Variants in EP300 observed in about 807,000 individuals in gnomAD.
EP300 encodes EP300 lysine acetyltransferase, also known as histone acetyltransferase p300.
A neutral mutation model predicts 264.0 loss-of-function variants in EP300; 31 were observed. The observed-to-expected ratio is 0.12, with a 90% CI of 0.09 to 0.16. EP300 has a LOEUF of 0.16. Ranked by LOEUF, EP300 falls within the 10% of genes least tolerant of loss-of-function variation. The pLI is 1.00. For missense variants in EP300, 2,766 were observed against 3,052.9 expected, an observed-to-expected ratio of 0.91 and a Z score of 2.21; for synonymous variants, 1,340 against 1,045.4, an observed-to-expected ratio of 1.28 and a Z score of -5.44.
rs20553 is a variant in EP300 at position 41,127,522 on chromosome 22, C to T, written c.942C>T (p.Gly314=). ...QQPAPQVQQP[G]LVTPVAQGMG... ...CAGCCCCGCAGGTCCAGCAGCCAGG[C>T]CTGGTGACTCCAGTTGCCCAAGGGA... The change falls in exon 4 of 31, where the codon GGC becomes GGT. Residue 314 remains glycine, a synonymous_variant. Transcript: ENST00000263253. 3.2e-3 allele frequency: 5,195 copies of T among 1,614,188 alleles called. 151 individuals are homozygous for T. In the African/African-American group the frequency reaches 0.063, roughly 19 times the overall value.
At chr22:41,111,388 C>G (rs1337976149) in intron 1 of EP300, among the ~76,000 whole-genome samples, 2 of 152,150 alleles carry the variant, frequency 1.3e-5, no homozygotes, top group Non-Finnish European at 2.9e-5. Context: ...CTCACAATTT[C>G]CAGTTGTATG....
chr22:41,131,953 A>G (rs1336536394), intron 6 of EP300, among the ~76,000 whole-genome samples: 3 of 152,026 alleles, frequency 2.0e-5, no homozygotes, highest in Non-Finnish European at 2.9e-5. Context: ...ATCCCAGCAC[A>G]TTGGGAGGCC....
At chr22:41,170,365 T>C (rs2145766221) in intron 26 of EP300, 41 bp from the exon 27 acceptor site, 1 of 1,583,950 alleles carries the variant, frequency 6.3e-7, no homozygotes, top group Non-Finnish European at 8.7e-7. Flanking sequence ...CTAGAATAGA[T>C]TATCTCTTTT....
intron 5 of EP300, 111 bp downstream of exon 5, chr22:41,130,114 A>G (rs1251517430): frequency 6.2e-6 from 5 of 809,478 alleles, no homozygotes; most frequent in Non-Finnish European, 1.0e-5. Flanking sequence ...TACTATGTTG[A>G]ATAAATGTTT....
chr22:41,139,777 TATTTC>T (rs1209306867), intron 8 of EP300, among the ~76,000 whole-genome samples: 1 of 152,238 alleles, frequency 6.6e-6, no homozygotes. Flanking sequence ...TACTGAATTT[TATTTC>T]AGTAAGCTAA....
At chr22:41,168,213 G>A in intron 23 of EP300, 4 of 542,646 alleles carry the variant, frequency 7.4e-6, no homozygotes, top group Non-Finnish European at 6.6e-6. Context: ...ATTGAGTACT[G>A]TGTCTGCTTT....
At chr22:41,094,693 AT>A (rs2058692543) in intron 1 of EP300, among the ~76,000 whole-genome samples, 4 of 152,054 alleles carry the variant, frequency 2.6e-5, no homozygotes, top group Admixed American at 2.6e-4. Flanking sequence ...TCACCTGTAG[AT>A]TTTTGTGGTG....
At chr22:41,102,032 T>TTC (rs999274681) in intron 1 of EP300, among the ~76,000 whole-genome samples, 2 of 149,728 alleles carry the variant, frequency 1.3e-5, no homozygotes, top group South Asian at 2.1e-4. Flanking sequence ...TTCTTTTCTT[T>TTC]TTTTTTTTTT....
chr22:41,173,622 G>C lies in EP300; in HGVS notation c.4618-1G>C. 6.2e-7 allele frequency: 1 copy of C among 1,614,098 alleles called. No homozygotes were observed. Among genetic ancestry groups the C allele is most frequent in the Non-Finnish European group, 8.5e-7 (1 of 1,180,008 alleles). Reference sequence around the variant, plus strand: ...CTTGTCTCCTTTGTGCTACTCTGCAGGTGACCAAGGGAGACAGCAAAAATG... The same window carrying C: ...CTTGTCTCCTTTGTGCTACTCTGCACGTGACCAAGGGAGACAGCAAAAATG... On this transcript the variant is annotated splice_acceptor_variant, in intron 28 of 30. Transcript: ENST00000263253. LOFTEE classifies it high-confidence loss of function.
At chr22:41,134,807 A>G (rs1200525047) in intron 6 of EP300, among the ~76,000 whole-genome samples, 3 of 152,238 alleles carry the variant, frequency 2.0e-5, no homozygotes, top group Non-Finnish European at 1.5e-5. Context: ...ATTGAAAATA[A>G]CATGTACAGC....
intron 10 of EP300, 139 bp from the exon 11 acceptor site, chr22:41,146,600 T>C: frequency 1.3e-6 from 1 of 760,310 alleles, no homozygotes; most frequent in South Asian, 1.5e-5. Context: ...TCTGTCTAGT[T>C]CAGAGCTTTA....
rs2145665367 is a variant in EP300 at position 41,092,992 on chromosome 22, G to A, written c.-13G>A. ...TCTGGTTTTCCTCGCTTGTATCTCC[G>A]AAAGAATTAAAAATGGCCGAGAATG... On this transcript the variant is annotated 5_prime_UTR_variant, in exon 1 of 31. Coordinates refer to ENST00000263253, the MANE Select transcript of EP300 (RefSeq NM_001429.4). The A allele has an allele frequency of 6.2e-7, 1 of 1,614,084 alleles. No individual in the cohort carries two copies. The highest frequency in any genetic ancestry group is 8.5e-7 in the Non-Finnish European group (1 of 1,179,972).
At chr22:41,125,562 G>A (rs2058876989) in intron 2 of EP300, among the ~76,000 whole-genome samples, 4 of 152,076 alleles carry the variant, frequency 2.6e-5, no homozygotes, top group South Asian at 4.1e-4. Context: ...CGCCAGGCCC[G>A]GCCACTTGGT....
intron 2 of EP300, among the ~76,000 whole-genome samples, chr22:41,120,109 T>C (rs986371800): frequency 6.6e-6 from 1 of 152,238 alleles, no homozygotes; most frequent in Non-Finnish European, 1.5e-5. Context: ...TATTTTCTTA[T>C]TTTAAATGAA....
At position 41,097,415 on chromosome 22, in the gene EP300, G is replaced by C. The variant is rs752660128; in HGVS notation, c.94+4317G>C. ...TGGTGGCCTTTTGGCATTATTTTGT[G>C]TTTTTCTTTGCTTTTCTCTCTCTTC... On this transcript the variant is annotated intron_variant, in intron 1 of 30. Coordinates refer to ENST00000263253, the MANE Select transcript of EP300 (RefSeq NM_001429.4). 1.2e-4 allele frequency among the ~76,000 whole-genome samples: 18 copies of C among 151,878 alleles called. 1 individual carries two copies. Among genetic ancestry groups the C allele is most frequent in the Admixed American group, 9.8e-4 (15 of 15,244 alleles).
chr22:41,128,723 G>C (rs1486659665), intron 4 of EP300, among the ~76,000 whole-genome samples: 1 of 152,056 alleles, frequency 6.6e-6, no homozygotes, highest in Non-Finnish European at 1.5e-5. Flanking sequence ...GTGTTGGCCA[G>C]GATCGTCTCA....
chr22:41,120,930 C>G (rs555853442), intron 2 of EP300, among the ~76,000 whole-genome samples: 2 of 152,228 alleles, frequency 1.3e-5, no homozygotes, highest in South Asian at 4.2e-4. Flanking sequence ...GTCTTGGCAT[C>G]AAGCAATCCA....
chr22:41,111,682 C>T (rs1012760255), intron 1 of EP300, among the ~76,000 whole-genome samples: 7 of 151,930 alleles, frequency 4.6e-5, no homozygotes, highest in East Asian at 1.9e-4. Context: ...GCTGAGGTTA[C>T]GGCCTGCACC....
chr22:41,163,539 G>T (rs1216563557), intron 21 of EP300, among the ~76,000 whole-genome samples: 2 of 151,650 alleles, frequency 1.3e-5, no homozygotes, highest in African/African-American at 2.4e-5. Flanking sequence ...CCAAGGTCAA[G>T]AGTTCGAGAC....
Sources: allele counts gnomAD v4.1 joint callset (sites outside exome capture counted in the v4.1 genomes callset), GRCh38; gene constraint gnomAD v4.1.1; transcripts MANE v1.5; gene names NCBI Gene and HGNC (gene_info 2026-07-23, HGNC 2026-07-21).